ARID1B: variants seen among roughly 807,000 people sequenced by gnomAD.
ARID1B encodes AT-rich interactive domain-containing protein 1B.
Under a neutral mutation model 212.3 loss-of-function variants are expected in ARID1B, and 30 were observed. That is an observed-to-expected ratio of 0.14 (90% CI 0.11 to 0.19). The LOEUF is 0.19. Among genes scored for constraint, ARID1B ranks in the 10% least tolerant of loss-of-function variants. ARID1B has a pLI of 1.00. For missense variants in ARID1B, 2,891 were observed against 3,204.0 expected, an observed-to-expected ratio of 0.90 and a Z score of 2.36; for synonymous variants, 1,402 against 1,301.7, an observed-to-expected ratio of 1.08 and a Z score of -1.66.
intron 4 of ARID1B, chr6:156,941,607 T>C (rs1172764961): frequency 6.6e-6 from 1 of 152,248 alleles, no homozygotes; most frequent in Non-Finnish European, 1.5e-5. Context: ...TGATATCCTG[T>C]GATTTTATTC....
chr6:156,943,734 A>AT lies in ARID1B; in HGVS notation c.2247+8164dup, dbSNP rs529579319. The AT allele has an allele frequency of 2.7e-3, 404 of 152,246 alleles. 1 individual carries two copies. The highest frequency in any genetic ancestry group is 9.3e-3 in the African/African-American group (386 of 41,552). 9.4% of individuals were successfully genotyped at this position (152,246 alleles called of 1,614,324 possible). On this transcript the variant is annotated intron_variant, in intron 4 of 19. Coordinates refer to ENST00000636930, the MANE Select transcript of ARID1B (RefSeq NM_001374828.1). ...TTTAGCACTCACTTACTAATAGCTA[A>AT]TTTTTTAGAGCTCTTGATTTAACCT...
intron 8 of ARID1B, among the ~76,000 whole-genome samples, chr6:157,154,090 A>G (rs1424812269): frequency 6.6e-6 from 1 of 152,230 alleles, no homozygotes; most frequent in East Asian, 1.9e-4. Flanking sequence ...AGCAATTGAC[A>G]GCTCTTCAAA....
chr6:157,126,812 C>T (rs564778222), intron 6 of ARID1B, among the ~76,000 whole-genome samples: 2 of 151,956 alleles, frequency 1.3e-5, no homozygotes, highest in East Asian at 3.9e-4. Flanking sequence ...TCTGAATTTC[C>T]CTAAATTCAG....
chr6:157,166,061 T>A (rs180864524), intron 8 of ARID1B: 11 of 152,150 alleles, frequency 7.2e-5, no homozygotes, highest in African/African-American at 1.9e-4. Context: ...CTTTGAAAAA[T>A]TTTTTAAAGG....
intron 8 of ARID1B, among the ~76,000 whole-genome samples, chr6:157,161,995 C>T (rs1462203579): frequency 1.3e-5 from 2 of 152,150 alleles, no homozygotes; most frequent in Non-Finnish European, 2.9e-5. Context: ...CTGGAGCTTC[C>T]CCCGTGTCTG....
chr6:156,983,692 TG>T (rs1326661763), intron 4 of ARID1B, among the ~76,000 whole-genome samples: 2 of 152,126 alleles, frequency 1.3e-5, no homozygotes, highest in African/African-American at 4.8e-5. Context: ...TAATGTACTG[TG>T]TGGCCATTTC....
chr6:157,183,560 T>C (rs1048132897), intron 12 of ARID1B, among the ~76,000 whole-genome samples: 4 of 152,340 alleles, frequency 2.6e-5, no homozygotes, highest in Non-Finnish European at 4.4e-5. Flanking sequence ...ATGCCTCGGA[T>C]CTTGACGTCA....
intron 4 of ARID1B, among the ~76,000 whole-genome samples, chr6:157,018,767 C>T (rs1289175768): frequency 1.3e-5 from 2 of 152,102 alleles, no homozygotes; most frequent in Admixed American, 6.5e-5. Flanking sequence ...CATAAATTCA[C>T]AATGGATGGA....
chr6:157,046,172 G>T (rs961639622), intron 4 of ARID1B, among the ~76,000 whole-genome samples: 1 of 152,138 alleles, frequency 6.6e-6, no homozygotes, highest in Non-Finnish European at 1.5e-5. Flanking sequence ...TCTTTGTTAG[G>T]TTTAATTATC....
chr6:157,201,024 A>G lies in ARID1B; in HGVS notation c.4799A>G (p.Asn1600Ser). The G allele has an allele frequency of 6.2e-7, 1 of 1,613,876 alleles. No homozygotes were observed. The part of the protein sequence containing the change: ...ARNDMPYPYQ[N>S]RQGPGGPTQA... ...AATGATATGCCTTATCCCTACCAGA[A>G]CAGGCAGGGCCCTGGCGGCCCTACA... is the stretch of plus-strand genomic sequence containing the variant. Residue 1600 changes from asparagine (N) to serine (S), a missense_variant, in exon 18 of 20, where the codon AAC becomes AGC. Coordinates refer to ENST00000636930, the MANE Select transcript of ARID1B (RefSeq NM_001374828.1). The surrounding 1 kb of genome is among the most constrained non-coding windows in gnomAD (Gnocchi z 5.2).
intron 1 of ARID1B, among the ~76,000 whole-genome samples, chr6:156,825,421 C>T (rs538272205): frequency 6.6e-6 from 1 of 152,084 alleles, no homozygotes; most frequent in Non-Finnish European, 1.5e-5. Context: ...TTAATGCTTT[C>T]GATTTTCAGA....
intron 4 of ARID1B, among the ~76,000 whole-genome samples, chr6:157,080,551 T>C (rs1228528011): frequency 6.6e-6 from 1 of 152,252 alleles, no homozygotes. Flanking sequence ...ATCTTCTTTG[T>C]GGGATGTCCC....
At chr6:156,858,259 G>T (rs542299670) in intron 2 of ARID1B, among the ~76,000 whole-genome samples, 1 of 152,090 alleles carries the variant, frequency 6.6e-6, no homozygotes, top group African/African-American at 2.4e-5. Flanking sequence ...GATAAAGAGG[G>T]GATGGTTAAT....
At chr6:157,171,634 T>G (rs952832840) in intron 9 of ARID1B, among the ~76,000 whole-genome samples, 1 of 152,258 alleles carries the variant, frequency 6.6e-6, no homozygotes, top group African/African-American at 2.4e-5. Flanking sequence ...TTTATTACTC[T>G]AAATTCTATC....
At chr6:156,964,960 A>G (rs1049332990) in intron 4 of ARID1B, among the ~76,000 whole-genome samples, 13 of 152,240 alleles carry the variant, frequency 8.5e-5, no homozygotes, top group Non-Finnish European at 1.8e-4. Context: ...TCAAAGCCGC[A>G]TGATGGTTTT....
At chr6:157,144,956 G>C (rs1033865882) in intron 7 of ARID1B, among the ~76,000 whole-genome samples, 2 of 152,162 alleles carry the variant, frequency 1.3e-5, no homozygotes, top group East Asian at 3.8e-4. Context: ...TCTTCACGCC[G>C]AAGCAGTTTG....
intron 1 of ARID1B, among the ~76,000 whole-genome samples, chr6:156,821,204 A>G (rs1583102457): frequency 6.6e-6 from 1 of 152,076 alleles, no homozygotes; most frequent in Admixed American, 6.5e-5. Flanking sequence ...ACTAGGGTCA[A>G]CTCCCCAAGT....
At position 157,206,918 on chromosome 6, in the gene ARID1B, G is replaced by A. The variant is rs747819482; in HGVS notation, c.6146G>A (p.Arg2049Gln). The A allele has an allele frequency of 9.9e-6, 16 of 1,614,072 alleles. 1 individual carries two copies. The highest frequency in any genetic ancestry group is 9.9e-5 in the South Asian group (9 of 91,082). ...CTGCTGGAGGACGAGCCCAGGAGCC[G>A]AGACGAGACTCCTCTGTGTACCATC... The part of the protein sequence containing the change: ...IKLLEDEPRS[R>Q]DETPLCTIAH... The change falls in exon 20 of 20, where the codon CGA (arginine) becomes CAA (glutamine). Residue 2049 changes from arginine (R) to glutamine (Q), a missense_variant. Around this residue, in one of 7 missense-constraint regions of ARID1B, gnomAD observed 332 missense variants for 369.2 expected, o/e 0.90. Coordinates refer to ENST00000636930, the MANE Select transcript of ARID1B (RefSeq NM_001374828.1). The surrounding 1 kb of genome is among the most constrained non-coding windows in gnomAD (Gnocchi z 6.8).
intron 2 of ARID1B, among the ~76,000 whole-genome samples, chr6:156,840,569 C>T (rs1368025386): frequency 6.6e-6 from 1 of 152,156 alleles, no homozygotes. Context: ...GTGCTTTAGC[C>T]GTGTTATCTG....
Sources: allele counts gnomAD v4.1 joint callset (sites outside exome capture counted in the v4.1 genomes callset), GRCh38; gene constraint gnomAD v4.1.1; regional missense constraint gnomAD v4.1.1; non-coding constraint Gnocchi (gnomAD v3.1); transcripts MANE v1.5; gene names NCBI Gene and HGNC (gene_info 2026-07-23, HGNC 2026-07-21).